Variants in SVOP observed in about 807,000 individuals in gnomAD.
SVOP encodes synaptic vesicle 2-related protein.
Under a neutral mutation model 69.1 loss-of-function variants are expected in SVOP, and 17 were observed. The ratio of observed to expected loss-of-function variants is 0.25; its 90% CI spans 0.17 to 0.37. The LOEUF (loss-of-function observed/expected upper bound fraction) is 0.37, where lower values mean the gene tolerates loss of function less well. SVOP is among the 10% of genes least tolerant of loss of function. SVOP has a pLI of 1.00. For synonymous variants in SVOP, 238 were observed against 238.6 expected, an observed-to-expected ratio of 1.00 and a Z score of 0.02; for missense variants, 435 against 597.5, an observed-to-expected ratio of 0.73 and a Z score of 2.84.
chr12:109,000,667 C>T (rs2135620640), intron 1 of SVOP, among the ~76,000 whole-genome samples: 1 of 42,156 alleles, frequency 2.4e-5, no homozygotes, highest in East Asian at 5.1e-4. Context: ...ATACGCAAAT[C>T]AATAAATGTA....
intron 2 of SVOP, among the ~76,000 whole-genome samples, chr12:108,981,993 C>T (rs1276625687): frequency 6.6e-6 from 1 of 151,846 alleles, no homozygotes; most frequent in African/African-American, 2.4e-5. Context: ...TCTTCATCAT[C>T]ACCACCATCA....
At chr12:109,011,166 T>G (rs1267827018) in intron 1 of SVOP, among the ~76,000 whole-genome samples, 5 of 151,706 alleles carry the variant, frequency 3.3e-5, no homozygotes, top group Non-Finnish European at 7.4e-5. Flanking sequence ...CCTCCCACAT[T>G]GGCCCCCACC....
intron 1 of SVOP, among the ~76,000 whole-genome samples, chr12:108,997,993 T>G (rs1353049058): frequency 6.7e-6 from 1 of 149,320 alleles, no homozygotes; most frequent in East Asian, 2.0e-4. Context: ...GAAGAAGGCT[T>G]CAGACGATCA....
intron 5 of SVOP, among the ~76,000 whole-genome samples, chr12:108,968,630 A>G (rs2040060092): frequency 6.6e-6 from 1 of 151,990 alleles, no homozygotes; most frequent in Non-Finnish European, 1.5e-5. Context: ...ATTTTCTGTT[A>G]TATTCCTCAC....
intron 10 of SVOP, among the ~76,000 whole-genome samples, chr12:108,935,278 C>T (rs867652498): frequency 3.9e-5 from 6 of 152,166 alleles, no homozygotes; most frequent in Admixed American, 6.5e-5. Context: ...TTTGCAAGAC[C>T]GGAACCTTCT....
At position 108,979,735 on chromosome 12, in the gene SVOP, A is replaced by G. The variant is rs1022885366; in HGVS notation, c.197-1072T>C. ...GTGGACATCTTACAAACTGCTTACC[A>G]GGCTCATCTTTGAAAACAACACTCA... is the stretch of plus-strand genomic sequence containing the variant. On this transcript the variant is annotated intron_variant, in intron 2 of 15. Transcript: ENST00000610966. Among the ~76,000 whole-genome samples, 3 of 152,364 alleles carry G rather than the reference A, an allele frequency of 2.0e-5. No individual in the cohort carries two copies. In the East Asian group the frequency reaches 5.8e-4, roughly 29 times the overall value.
intron 2 of SVOP, among the ~76,000 whole-genome samples, chr12:108,979,757 C>T (rs2040126630): frequency 1.3e-5 from 2 of 152,208 alleles, no homozygotes; most frequent in African/African-American, 4.8e-5. Flanking sequence ...GAAAACAACA[C>T]TCACTTTCCT....
chr12:108,939,065 G>A (rs914829872), intron 8 of SVOP, 110 bp from the exon 9 acceptor site: 2 of 1,476,360 alleles, frequency 1.4e-6, no homozygotes, highest in African/African-American at 1.4e-5. Context: ...GGGGGCTCTG[G>A]AGCCAGAGAG....
chr12:108,950,522 A>G (rs1345090924), intron 6 of SVOP, among the ~76,000 whole-genome samples: 1 of 152,140 alleles, frequency 6.6e-6, no homozygotes, highest in African/African-American at 2.4e-5. Flanking sequence ...AGCTGGGACT[A>G]CAGGTGTGCA....
intron 1 of SVOP, among the ~76,000 whole-genome samples, chr12:108,993,870 G>A (rs532122070): frequency 4.6e-5 from 7 of 152,302 alleles, no homozygotes; most frequent in Non-Finnish European, 1.0e-4. Context: ...GGAAGGACAT[G>A]AACGTTTGCG....
chr12:109,017,571 A>G (rs1051316116), intron 1 of SVOP, among the ~76,000 whole-genome samples: 1 of 151,928 alleles, frequency 6.6e-6, no homozygotes, highest in Non-Finnish European at 1.5e-5. Context: ...TTTTTTTGAG[A>G]CAGAGTCTCA....
intron 9 of SVOP, 125 bp downstream of exon 9, chr12:108,938,702 C>T (rs2039870662): frequency 2.0e-6 from 3 of 1,496,652 alleles, no homozygotes; most frequent in Non-Finnish European, 2.7e-6. Context: ...TGTGCACGCA[C>T]ACACCCCACC....
chr12:108,997,114 C>T (rs1482112730), intron 1 of SVOP, among the ~76,000 whole-genome samples: 9 of 151,410 alleles, frequency 5.9e-5, no homozygotes, highest in Middle Eastern at 3.4e-3. Flanking sequence ...GCACCGTGCG[C>T]GAGCCGAAGC....
chr12:108,914,439 G>A (rs1444151046), intron 15 of SVOP, among the ~76,000 whole-genome samples: 2 of 152,134 alleles, frequency 1.3e-5, no homozygotes, highest in Non-Finnish European at 2.9e-5. Context: ...AAGATCCCTA[G>A]ATACAAATGC....
intron 1 of SVOP, among the ~76,000 whole-genome samples, chr12:109,014,018 C>T (rs1454712578): frequency 2.0e-4 from 28 of 137,652 alleles, no homozygotes; most frequent in Admixed American, 6.7e-4. Flanking sequence ...AATTTCCTTC[C>T]TTTTTTTTTT....
At chr12:108,934,338 C>CAAGGGGG in intron 10 of SVOP, 67 bp from the exon 11 acceptor site, 2 of 1,379,162 alleles carry the variant, frequency 1.5e-6, no homozygotes, top group Non-Finnish European at 2.0e-6. Flanking sequence ...TCCCTACCCC[C>CAAGGGGG]TTGGGAAGGG....
rs1025888503 is a variant in SVOP at position 108,990,696 on chromosome 12, A to G, written c.36-6935T>C. ...AAAATAAAATAAAACAAAACAGAAA[A>G]ATAAATAAATAAATAAATAAACAAA... On this transcript the variant is annotated intron_variant, in intron 1 of 15. Coordinates refer to ENST00000610966, the MANE Select transcript of SVOP (RefSeq NM_018711.5). Among the ~76,000 whole-genome samples, 19 of 150,960 alleles carry G rather than the reference A, an allele frequency of 1.3e-4. No homozygotes were observed. In the East Asian group the frequency reaches 3.5e-3, roughly 28 times the overall value.
intron 6 of SVOP, among the ~76,000 whole-genome samples, chr12:108,951,728 C>G (rs141885236): frequency 6.6e-6 from 1 of 152,142 alleles, no homozygotes; most frequent in African/African-American, 2.4e-5. Context: ...GCCTGAAACC[C>G]CTTTGAAATT....
chr12:108,972,117 G>A (rs982149643), intron 5 of SVOP, among the ~76,000 whole-genome samples: 11 of 150,726 alleles, frequency 7.3e-5, no homozygotes, highest in Non-Finnish European at 1.6e-4. Context: ...GCTTTATCTA[G>A]TATCCCTTGA....
Sources: gnomAD v4.1 joint callset for allele counts (sites outside exome capture counted in the v4.1 genomes callset) on GRCh38, gnomAD v4.1.1 for gene constraint, MANE v1.5 for transcripts, NCBI Gene and HGNC (gene_info 2026-07-23, HGNC 2026-07-21) for gene names.